Variants in PITPNM3 observed in about 807,000 individuals in gnomAD.
The protein encoded by PITPNM3 is PITPNM family member 3, also known as membrane-associated phosphatidylinositol transfer protein 3.
A neutral mutation model predicts 102.0 loss-of-function variants in PITPNM3; 26 were observed. The ratio of observed to expected loss-of-function variants is 0.25; its 90% CI spans 0.19 to 0.35. The LOEUF is 0.35. Among genes scored for constraint, PITPNM3 ranks in the 10% least tolerant of loss-of-function variants. PITPNM3 has a pLI of 1.00. For synonymous variants in PITPNM3, 578 were observed against 558.6 expected (o/e 1.03, Z -0.49); for missense variants, 1,083 against 1,346.1 (o/e 0.80, Z 3.06).
At chr17:6,501,963 C>T (rs1427198351) in intron 4 of PITPNM3, among the ~76,000 whole-genome samples, 2 of 152,310 alleles carry the variant, frequency 1.3e-5, no homozygotes, top group Non-Finnish European at 1.5e-5. Context: ...ACACATTCCC[C>T]TTGTGCTGAG....
At chr17:6,546,632 A>G (rs1325960993) in intron 1 of PITPNM3, among the ~76,000 whole-genome samples, 2 of 152,238 alleles carry the variant, frequency 1.3e-5, no homozygotes, top group Non-Finnish European at 2.9e-5. Flanking sequence ...CCAAAGACTA[A>G]GCCCTGACCC....
rs569045293 is a variant in PITPNM3, at chr17:6,535,875, T to C, written c.118+2112A>G. Among the ~76,000 whole-genome samples, 104 of 151,666 alleles carry C rather than the reference T, an allele frequency of 6.9e-4. 1 individual carries two copies. The highest frequency in any genetic ancestry group is 2.4e-3 in the African/African-American group (100 of 41,370). On this transcript the variant is annotated intron_variant, in intron 2 of 19. Coordinates refer to ENST00000262483, the MANE Select transcript of PITPNM3 (RefSeq NM_031220.4). ...GAGTTTGAGACCAGCCTGGCCAGCA[T>C]AGTGAAACCCTGTCTCTACTAAAAC...
At chr17:6,455,855 C>CG (rs1023401096) in intron 19 of PITPNM3, among the ~76,000 whole-genome samples, 1 of 150,520 alleles carries the variant, frequency 6.6e-6, no homozygotes, top group Admixed American at 6.6e-5. Flanking sequence ...CATCATTTCC[C>CG]GGGAACACTC....
intron 2 of PITPNM3, among the ~76,000 whole-genome samples, chr17:6,536,629 G>C (rs985076638): frequency 4.6e-5 from 7 of 152,298 alleles, no homozygotes; most frequent in African/African-American, 1.7e-4. Context: ...TGGAGGCATA[G>C]AGCTGGTAGG....
At chr17:6,463,184 G>A (rs973354803) in intron 17 of PITPNM3, among the ~76,000 whole-genome samples, 12 of 152,124 alleles carry the variant, frequency 7.9e-5, no homozygotes, top group Non-Finnish European at 1.6e-4. Flanking sequence ...CACTGTTACT[G>A]GGGTGAGGCA....
intron 3 of PITPNM3, 133 bp from the exon 4 acceptor site, chr17:6,503,707 A>C: frequency 1.1e-6 from 1 of 889,626 alleles, no homozygotes; most frequent in Non-Finnish European, 1.8e-6. Context: ...ATCTCCTACC[A>C]CTTCATGCCC....
At chr17:6,516,010 G>A (rs58408549) in intron 3 of PITPNM3, among the ~76,000 whole-genome samples, 9,477 of 152,166 alleles carry the variant, frequency 0.062, 655 homozygotes, top group East Asian at 0.16. Flanking sequence ...GCGAGACCCT[G>A]TCTCTACAAA....
intron 18 of PITPNM3, 102 bp downstream of exon 18, chr17:6,461,271 G>T: frequency 7.3e-7 from 1 of 1,370,036 alleles, no homozygotes; most frequent in Non-Finnish European, 1.0e-6. Context: ...TTTACAGACT[G>T]CACATCACAA....
At chr17:6,497,946 G>A (rs935510347) in intron 4 of PITPNM3, among the ~76,000 whole-genome samples, 13 of 152,210 alleles carry the variant, frequency 8.5e-5, no homozygotes, top group African/African-American at 3.1e-4. Context: ...GACTGGAAGG[G>A]AGAGGCATGG....
intron 4 of PITPNM3, among the ~76,000 whole-genome samples, chr17:6,496,435 G>C (rs553636600): frequency 1.3e-5 from 2 of 151,968 alleles, no homozygotes; most frequent in African/African-American, 4.8e-5. Flanking sequence ...AATGTTCCCC[G>C]GGCCTGGGCT....
intron 4 of PITPNM3, among the ~76,000 whole-genome samples, chr17:6,494,874 T>A (rs1171493843): frequency 6.6e-6 from 1 of 152,170 alleles, no homozygotes; most frequent in Non-Finnish European, 1.5e-5. Context: ...GAAGCACCTA[T>A]ATGTCCACCA....
chr17:6,489,296 C>G (rs1292273366), intron 4 of PITPNM3, among the ~76,000 whole-genome samples: 1 of 152,114 alleles, frequency 6.6e-6, no homozygotes, highest in African/African-American at 2.4e-5. Context: ...GCCAAACACT[C>G]AGTCTCCTCC....
In PITPNM3 at chr17:6,478,788, G is replaced by A; in HGVS notation, c.588-52C>T. ...CCAGCCAGGATCGGGCAGGTTGGCA[G>A]GTTTGGGGCTGAGGATCAGGCAGAA... On this transcript the variant is annotated intron_variant, in intron 6 of 19. Coordinates refer to ENST00000262483, the MANE Select transcript of PITPNM3 (RefSeq NM_031220.4). The surrounding 1 kb of genome is among the most constrained non-coding windows in gnomAD (Gnocchi z 4.4). 1.3e-6 allele frequency: 2 copies of A among 1,508,246 alleles called. No homozygotes were observed. Among genetic ancestry groups the A allele is most frequent in the Non-Finnish European group, 1.8e-6 (2 of 1,126,060 alleles). The allele number at this position is 1,508,246 out of a possible 1,614,324, so 93.4% of individuals were successfully genotyped here. A position where few individuals can be genotyped will look rare whatever the true frequency, so the allele number is the denominator to read the frequency against.
At position 6,517,891 on chromosome 17, in the gene PITPNM3, C is replaced by T. The variant is rs901612895; in HGVS notation, c.226+7465G>A. On this transcript the variant is annotated intron_variant, in intron 3 of 19. Coordinates refer to ENST00000262483, the MANE Select transcript of PITPNM3 (RefSeq NM_031220.4). The surrounding 1 kb of genome is among the most constrained non-coding windows in gnomAD (Gnocchi z 4.1). ...ACCAGTTTTCAAATGTATGTTAAAA[C>T]TGTACGTTTCTAGAACTACAAAAAA... Among the ~76,000 whole-genome samples the T allele has an allele frequency of 6.6e-6, 1 of 152,090 alleles. No homozygotes were observed. The highest frequency in any genetic ancestry group is 1.5e-5 in the Non-Finnish European group (1 of 68,018).
At chr17:6,488,638 A>T (rs1016892625) in intron 4 of PITPNM3, among the ~76,000 whole-genome samples, 3 of 152,170 alleles carry the variant, frequency 2.0e-5, no homozygotes, top group Non-Finnish European at 4.4e-5. Flanking sequence ...ACGTTGCTTC[A>T]AAGTACTCAC....
intron 4 of PITPNM3, among the ~76,000 whole-genome samples, chr17:6,501,439 T>A (rs1907169362): frequency 6.6e-6 from 1 of 152,066 alleles, no homozygotes; most frequent in Non-Finnish European, 1.5e-5. Flanking sequence ...CCCAACCACC[T>A]TCTCTAACTC....
chr17:6,488,890 G>A (rs1906256900), intron 4 of PITPNM3, among the ~76,000 whole-genome samples: 1 of 152,318 alleles, frequency 6.6e-6, no homozygotes, highest in South Asian at 2.1e-4. Context: ...GCAGTGCCCA[G>A]ATTTGGGGTG....
intron 4 of PITPNM3, among the ~76,000 whole-genome samples, chr17:6,499,487 C>T (rs1004657411): frequency 6.6e-5 from 10 of 152,142 alleles, no homozygotes; most frequent in African/African-American, 2.2e-4. Context: ...CTGAGGCAGC[C>T]GCAGGACCAG....
At chr17:6,489,728 G>A (rs998318582) in intron 4 of PITPNM3, among the ~76,000 whole-genome samples, 2 of 152,146 alleles carry the variant, frequency 1.3e-5, no homozygotes, top group Non-Finnish European at 2.9e-5. Flanking sequence ...GTTACTTGCC[G>A]GGGACCGTGG....
Sources: allele counts gnomAD v4.1 joint callset (sites outside exome capture counted in the v4.1 genomes callset), GRCh38; gene constraint gnomAD v4.1.1; non-coding constraint Gnocchi (gnomAD v3.1); transcripts MANE v1.5; gene names NCBI Gene and HGNC (gene_info 2026-07-23, HGNC 2026-07-21).